The following CSRNP3 variants were observed in gnomAD, a reference collection of about 807,000 sequenced individuals.
CSRNP3 encodes cysteine and serine rich nuclear protein 3.
Under a neutral mutation model 48.0 loss-of-function variants are expected in CSRNP3, and 12 were observed. The ratio of observed to expected loss-of-function variants is 0.25; its 90% CI spans 0.16 to 0.41. CSRNP3 has a LOEUF of 0.41. CSRNP3 is among the 10% of genes least tolerant of loss of function. The pLI is 1.00. For missense variants in CSRNP3, 580 were observed against 724.4 expected (o/e 0.80, Z 2.29); for synonymous variants, 263 against 269.7 (o/e 0.98, Z 0.24).
chr2:165,572,747 G>A (rs1404010260), intron 3 of CSRNP3, among the ~76,000 whole-genome samples: 1 of 152,108 alleles, frequency 6.6e-6, no homozygotes, highest in East Asian at 1.9e-4. Flanking sequence ...TTAAATTGTC[G>A]ATGTAGTCAG....
intron 3 of CSRNP3, among the ~76,000 whole-genome samples, chr2:165,552,298 T>C (rs1009036015): frequency 2.0e-5 from 3 of 152,226 alleles, no homozygotes; most frequent in African/African-American, 7.2e-5. Flanking sequence ...GGATTCCACT[T>C]CCTGGTGCTC....
At chr2:165,473,310 C>A (rs1474633821) in intron 1 of CSRNP3, among the ~76,000 whole-genome samples, 1 of 152,046 alleles carries the variant, frequency 6.6e-6, no homozygotes, top group Admixed American at 6.6e-5. Context: ...ATTACTTCCC[C>A]TATAATATAA....
chr2:165,515,010 C>T (rs1196104542), intron 2 of CSRNP3, among the ~76,000 whole-genome samples: 1 of 152,092 alleles, frequency 6.6e-6, no homozygotes, highest in Non-Finnish European at 1.5e-5. Flanking sequence ...TTGCCTCTGT[C>T]TAAATTATAG....
rs567204476 is a variant in CSRNP3 at position 165,592,245 on chromosome 2, G to T, written c.-23-2798G>T. On this transcript the variant is annotated intron_variant, in intron 3 of 6. Coordinates refer to ENST00000651982, the MANE Select transcript of CSRNP3 (RefSeq NM_001172173.2). Reference sequence around the variant, plus strand: ...CCTTGATGGATTTCAGACTTGCATGGGCCTGTAGCCCCTTTGTTTTGGACA... The same window carrying T: ...CCTTGATGGATTTCAGACTTGCATGTGCCTGTAGCCCCTTTGTTTTGGACA... Among the ~76,000 whole-genome samples the T allele has an allele frequency of 2.6e-4, 40 of 152,260 alleles. No homozygotes were observed. The South Asian group carries it at 7.9e-3, about 30-fold the overall frequency.
At chr2:165,678,387 G>A (rs140145696) in intron 6 of CSRNP3, among the ~76,000 whole-genome samples, 3 of 152,196 alleles carry the variant, frequency 2.0e-5, no homozygotes, top group East Asian at 1.9e-4. Flanking sequence ...AATTAAAGAA[G>A]TGGAGGGAAG....
intron 1 of CSRNP3, among the ~76,000 whole-genome samples, chr2:165,492,168 C>G (rs6717926): frequency 0.19 from 29,342 of 152,004 alleles, 3,545 homozygotes; most frequent in East Asian, 0.34. Flanking sequence ...ACTGAATCCT[C>G]CCTACTAGGA....
intron 5 of CSRNP3, among the ~76,000 whole-genome samples, chr2:165,665,427 G>A (rs1299230124): frequency 6.6e-6 from 1 of 152,030 alleles, no homozygotes; most frequent in Non-Finnish European, 1.5e-5. Context: ...TGAAAGAATG[G>A]GAAATTCTCA....
At chr2:165,550,939 C>T (rs1558931986) in intron 3 of CSRNP3, among the ~76,000 whole-genome samples, 1 of 152,006 alleles carries the variant, frequency 6.6e-6, no homozygotes, top group Admixed American at 6.6e-5. Context: ...TACCACATAA[C>T]CTGCCCTTCT....
chr2:165,596,835 G>A (rs375594143), intron 4 of CSRNP3, among the ~76,000 whole-genome samples: 96 of 152,216 alleles, frequency 6.3e-4, no homozygotes, highest in African/African-American at 2.3e-3. Flanking sequence ...TCAAGTACTA[G>A]GCACATGTTA....
intron 4 of CSRNP3, among the ~76,000 whole-genome samples, chr2:165,639,766 T>C (rs771520011): frequency 4.6e-5 from 7 of 152,204 alleles, no homozygotes; most frequent in Non-Finnish European, 8.8e-5. Flanking sequence ...GGAGAGCCAC[T>C]TGGAGCCTCT....
At chr2:165,677,992 G>T (rs1460068526) in intron 6 of CSRNP3, among the ~76,000 whole-genome samples, 3 of 151,978 alleles carry the variant, frequency 2.0e-5, no homozygotes, top group East Asian at 3.9e-4. Context: ...GGGAAGGGGG[G>T]ACTCAGGACC....
intron 4 of CSRNP3, among the ~76,000 whole-genome samples, chr2:165,638,016 C>A (rs1262605884): frequency 6.6e-6 from 1 of 151,966 alleles, no homozygotes; most frequent in Non-Finnish European, 1.5e-5. Flanking sequence ...TCTATAAAAT[C>A]TTATTAATTT....
intron 1 of CSRNP3, among the ~76,000 whole-genome samples, chr2:165,475,572 C>T (rs981820702): frequency 6.6e-6 from 1 of 152,194 alleles, no homozygotes; most frequent in African/African-American, 2.4e-5. Flanking sequence ...TTTCCTTCAT[C>T]TCTGCATCAA....
chr2:165,679,102 AGAC>A lies in CSRNP3; in HGVS notation c.1110_1112del (p.Asp370del), dbSNP rs746974193. On this transcript the variant is annotated inframe_deletion, in exon 7 of 7. Transcript: ENST00000651982. The stretch of plus-strand genomic sequence containing the variant: ...CGCAAAGCTTGGCACCTAGTGAGTC[AGAC>A]GAGGAGGAGGAGGAAGAAGAAGAGG... 2.2e-4 allele frequency: 356 copies of A among 1,612,634 alleles called. No homozygotes were observed. Among genetic ancestry groups the A allele is most frequent in the Non-Finnish European group, 2.9e-4 (345 of 1,178,892 alleles).
intron 1 of CSRNP3, among the ~76,000 whole-genome samples, chr2:165,477,627 C>A (rs1478041675): frequency 1.3e-5 from 2 of 148,898 alleles, no homozygotes; most frequent in Non-Finnish European, 3.0e-5. Context: ...CAAGATCATG[C>A]TACTGCACTC....
At chr2:165,571,508 T>C (rs914395732) in intron 3 of CSRNP3, among the ~76,000 whole-genome samples, 2 of 151,986 alleles carry the variant, frequency 1.3e-5, no homozygotes, top group Admixed American at 6.6e-5. Context: ...CATATTTGTA[T>C]ATATATTAAT....
intron 1 of CSRNP3, among the ~76,000 whole-genome samples, chr2:165,476,156 G>C (rs916096737): frequency 6.6e-6 from 1 of 152,192 alleles, no homozygotes; most frequent in African/African-American, 2.4e-5. Flanking sequence ...AACAACATTT[G>C]ATTAAAGTTA....
chr2:165,547,378 A>G (rs1258284400), intron 3 of CSRNP3, among the ~76,000 whole-genome samples: 1 of 152,186 alleles, frequency 6.6e-6, no homozygotes, highest in Non-Finnish European at 1.5e-5. Flanking sequence ...ATTACTGAAC[A>G]AAAATACTGT....
chr2:165,671,624 T>A (rs1343550608), intron 5 of CSRNP3, among the ~76,000 whole-genome samples: 1 of 152,192 alleles, frequency 6.6e-6, no homozygotes, highest in African/African-American at 2.4e-5. Flanking sequence ...TCTGGGACTG[T>A]AATGGGAGGG....
Sources: allele counts gnomAD v4.1 joint callset (sites outside exome capture counted in the v4.1 genomes callset), GRCh38; gene constraint gnomAD v4.1.1; transcripts MANE v1.5; gene names NCBI Gene and HGNC (gene_info 2026-07-23, HGNC 2026-07-21).